Variants in VWA8 observed in about 807,000 individuals in gnomAD.
VWA8 encodes von Willebrand factor A domain containing 8.
VWA8 carries 221 observed loss-of-function variants against 241.5 expected under a neutral mutation model. The observed-to-expected ratio is 0.91, with a 90% confidence interval of 0.82 to 1.02. The LOEUF is 1.02. VWA8 is among the 50% of genes least tolerant of loss of function. The pLI, the probability that VWA8 is intolerant of heterozygous loss-of-function variation, is 0.00. For synonymous variants in VWA8, 852 were observed against 827.1 expected (o/e 1.03, Z -0.52); for missense variants, 2,322 against 2,328.7 (o/e 1.00, Z 0.06).
chr13:41,598,206 G>A (rs1032756656), intron 40 of VWA8, among the ~76,000 whole-genome samples: 1 of 151,962 alleles, frequency 6.6e-6, no homozygotes, highest in Non-Finnish European at 1.5e-5. Context: ...CAGGAATGAG[G>A]CTATTTGCCT....
chr13:41,949,872 T>C, intron 2 of VWA8, 64 bp downstream of exon 2: 1 of 1,037,406 alleles, frequency 9.6e-7, no homozygotes, highest in Admixed American at 2.6e-5. Flanking sequence ...TTTAAATAAC[T>C]TTGAAAATTC....
At chr13:41,766,844 G>A (rs757242410) in intron 20 of VWA8, among the ~76,000 whole-genome samples, 32 of 152,168 alleles carry the variant, frequency 2.1e-4, no homozygotes, top group Middle Eastern at 3.2e-3. Flanking sequence ...CCAGGATCAT[G>A]CCCTATTCGG....
At chr13:41,934,060 C>T (rs1260304119) in intron 2 of VWA8, among the ~76,000 whole-genome samples, 4 of 146,350 alleles carry the variant, frequency 2.7e-5, no homozygotes, top group Admixed American at 6.9e-5. Flanking sequence ...AACATATTTG[C>T]AAATCTTATA....
intron 1 of VWA8, 77 bp from the exon 2 acceptor site, chr13:41,950,090 C>T: frequency 1.2e-6 from 1 of 847,774 alleles, no homozygotes; most frequent in Non-Finnish European, 1.8e-6. Context: ...AATGCTTGTC[C>T]TGACCTACAG....
intron 26 of VWA8, among the ~76,000 whole-genome samples, chr13:41,715,621 GTTTATA>G (rs1453441336): frequency 2.0e-5 from 3 of 151,950 alleles, no homozygotes; most frequent in Admixed American, 2.0e-4. Context: ...TTGCTTTAAA[GTTTATA>G]TTTATAGTTG....
chr13:41,762,752 G>C (rs1342345659), intron 20 of VWA8, among the ~76,000 whole-genome samples: 2 of 152,088 alleles, frequency 1.3e-5, no homozygotes, highest in African/African-American at 4.8e-5. Context: ...CAAATCAATT[G>C]AAATGGTATT....
Position 41,912,053 on chromosome 13 carries a change from AAT to A in VWA8, c.355_356del (p.Ile119CysfsTer23), listed in dbSNP as rs1427794485. ...AACTGCTCACCAAGTACTGCATAGC[AAT>A]AGAGCGTCGAAGAGGCCCAGGAGGT... The part of the protein sequence containing the change: ...IGPPGPLRRS[I>X]AMQYLELTKR... On this transcript the variant is annotated frameshift_variant, in exon 3 of 45. Transcript: ENST00000379310. LOFTEE classifies it high-confidence loss of function. 1.3e-6 allele frequency: 2 copies of A among 1,597,744 alleles called. No homozygotes were observed. The highest frequency in any genetic ancestry group is 1.7e-5 in the Admixed American group (1 of 59,642).
chr13:41,803,331 G>A (rs1336443073), intron 17 of VWA8, among the ~76,000 whole-genome samples: 1 of 152,100 alleles, frequency 6.6e-6, no homozygotes, highest in East Asian at 1.9e-4. Context: ...AATCAAATAA[G>A]GCACCGGTGA....
chr13:41,764,330 C>T (rs1202321146), intron 20 of VWA8, among the ~76,000 whole-genome samples: 1 of 152,120 alleles, frequency 6.6e-6, no homozygotes, highest in African/African-American at 2.4e-5. Flanking sequence ...TTTTCTCCCT[C>T]CCTCCCTTCG....
intron 2 of VWA8, among the ~76,000 whole-genome samples, chr13:41,915,729 G>A: frequency 6.6e-6 from 1 of 152,112 alleles, no homozygotes; most frequent in East Asian, 1.9e-4. Flanking sequence ...GAGTTGTCAG[G>A]ATATCTAAGG....
chr13:41,764,149 C>T (rs554366210), intron 20 of VWA8, among the ~76,000 whole-genome samples: 1 of 152,158 alleles, frequency 6.6e-6, no homozygotes, highest in Non-Finnish European at 1.5e-5. Context: ...TATAACAGCA[C>T]AGCCAAGTAC....
intron 16 of VWA8, among the ~76,000 whole-genome samples, chr13:41,813,730 A>G (rs1432839654): frequency 6.6e-6 from 1 of 152,224 alleles, no homozygotes; most frequent in Non-Finnish European, 1.5e-5. Context: ...AAAATGAGAG[A>G]TAAGCTTTGT....
Position 41,830,205 on chromosome 13 carries a change from C to T in VWA8, c.1700+324G>A, listed in dbSNP as rs569483709. On this transcript the variant is annotated intron_variant, in intron 14 of 44. Transcript: ENST00000379310. ...TTGCAATGAGCCGAGATTGCGCCAC[C>T]GCACTCCAGCCTGGGTGACAGAGCG... 7.4e-5 allele frequency among the ~76,000 whole-genome samples: 11 copies of T among 148,790 alleles called. No homozygotes were observed. The East Asian group carries it at 2.2e-3, about 29-fold the overall frequency.
At chr13:41,645,205 G>A (rs1207903585) in intron 37 of VWA8, among the ~76,000 whole-genome samples, 2 of 152,140 alleles carry the variant, frequency 1.3e-5, no homozygotes, top group Non-Finnish European at 2.9e-5. Flanking sequence ...CATACTAAAT[G>A]CAATATGCAT....
At chr13:41,591,230 G>T (rs1158932133) in intron 40 of VWA8, among the ~76,000 whole-genome samples, 3 of 152,178 alleles carry the variant, frequency 2.0e-5, no homozygotes, top group Non-Finnish European at 2.9e-5. Flanking sequence ...GGAAATAGCT[G>T]AAAACAATAG....
At chr13:41,895,387 T>C (rs957806314) in intron 4 of VWA8, among the ~76,000 whole-genome samples, 1 of 152,136 alleles carries the variant, frequency 6.6e-6, no homozygotes, top group African/African-American at 2.4e-5. Flanking sequence ...TAGAGGTTAC[T>C]AGTAATCTCA....
chr13:41,915,884 C>T (rs1280858840), intron 2 of VWA8, among the ~76,000 whole-genome samples: 3 of 152,186 alleles, frequency 2.0e-5, no homozygotes, highest in Non-Finnish European at 4.4e-5. Flanking sequence ...AATAACAATA[C>T]TAATAATGGC....
chr13:41,902,523 T>G (rs1184649564), intron 4 of VWA8, among the ~76,000 whole-genome samples: 1 of 152,200 alleles, frequency 6.6e-6, no homozygotes, highest in African/African-American at 2.4e-5. Context: ...ACAACAGAGA[T>G]TTTTGGTTTA....
intron 21 of VWA8, among the ~76,000 whole-genome samples, chr13:41,741,990 T>G (rs371983722): frequency 6.6e-6 from 1 of 152,180 alleles, no homozygotes; most frequent in Non-Finnish European, 1.5e-5. Context: ...GTAGAAAGTA[T>G]GTCTAGGCAG....
Sources: allele counts gnomAD v4.1 joint callset (sites outside exome capture counted in the v4.1 genomes callset), GRCh38; gene constraint gnomAD v4.1.1; transcripts MANE v1.5; gene names NCBI Gene and HGNC (gene_info 2026-07-23, HGNC 2026-07-21).